LRRC4C: variants seen among roughly 807,000 people sequenced by gnomAD.
LRRC4C encodes the protein leucine rich repeat containing 4C.
In LRRC4C, 5 loss-of-function variants were observed where a neutral mutation model predicts 33.6. That is an observed-to-expected ratio of 0.15 (90% CI 0.08 to 0.31). The LOEUF (loss-of-function observed/expected upper bound fraction) is 0.31, where lower values mean the gene tolerates loss of function less well. Ranked by LOEUF, LRRC4C falls within the 10% of genes least tolerant of loss-of-function variation. LRRC4C has a pLI of 1.00. For missense variants in LRRC4C, 560 were observed against 796.7 expected (o/e 0.70, Z 3.58); for synonymous variants, 329 against 302.0 (o/e 1.09, Z -0.93).
At chr11:40,144,037 C>A (rs1222373280) in intron 5 of LRRC4C, among the ~76,000 whole-genome samples, 2 of 152,084 alleles carry the variant, frequency 1.3e-5, no homozygotes, top group Non-Finnish European at 2.9e-5. Context: ...CAGTTAAGTT[C>A]ATAAATTCTA....
chr11:41,141,049 G>A (rs1287947229), intron 1 of LRRC4C, among the ~76,000 whole-genome samples: 3 of 152,132 alleles, frequency 2.0e-5, no homozygotes, highest in Non-Finnish European at 4.4e-5. Flanking sequence ...CTTTCTAAAA[G>A]TAGATCTAGT....
chr11:40,307,004 A>ATC (rs1555013481), intron 4 of LRRC4C, among the ~76,000 whole-genome samples: 4 of 149,648 alleles, frequency 2.7e-5, no homozygotes, highest in South Asian at 2.1e-4. Flanking sequence ...GTATCTATGT[A>ATC]TCTATCTATC....
chr11:41,444,857 G>A (rs1955769599), intron 1 of LRRC4C, among the ~76,000 whole-genome samples: 2 of 150,592 alleles, frequency 1.3e-5, no homozygotes, highest in Non-Finnish European at 2.9e-5. Context: ...AGGCTGGAGT[G>A]CAATAGCATG....
intron 1 of LRRC4C, among the ~76,000 whole-genome samples, chr11:41,060,599 A>T (rs1341407094): frequency 6.6e-6 from 1 of 152,170 alleles, no homozygotes; most frequent in East Asian, 1.9e-4. Context: ...GAATTGTATC[A>T]TAACTTCATC....
intron 3 of LRRC4C, among the ~76,000 whole-genome samples, chr11:40,342,051 T>G (rs1590373014): frequency 6.6e-6 from 1 of 151,992 alleles, no homozygotes; most frequent in Non-Finnish European, 1.5e-5. Context: ...AAAGCTTATC[T>G]GTAGCCAAGT....
chr11:40,674,285 C>G (rs1944280026), intron 2 of LRRC4C, among the ~76,000 whole-genome samples: 1 of 152,166 alleles, frequency 6.6e-6, no homozygotes, highest in African/African-American at 2.4e-5. Context: ...CTGGGGTTGG[C>G]ATTTGGCAGC....
At chr11:40,866,553 T>C (rs931632278) in intron 2 of LRRC4C, among the ~76,000 whole-genome samples, 5 of 152,060 alleles carry the variant, frequency 3.3e-5, no homozygotes, top group Admixed American at 6.6e-5. Flanking sequence ...TGACTCACTG[T>C]CTCTGTCAAC....
chr11:41,192,585 T>C (rs1353455163), intron 1 of LRRC4C, among the ~76,000 whole-genome samples: 1 of 152,086 alleles, frequency 6.6e-6, no homozygotes, highest in Admixed American at 6.6e-5. Flanking sequence ...TTGTGATGCA[T>C]CACTGTATCT....
At chr11:40,558,011 G>A (rs1486867471) in intron 3 of LRRC4C, among the ~76,000 whole-genome samples, 1 of 152,096 alleles carries the variant, frequency 6.6e-6, no homozygotes, top group Non-Finnish European at 1.5e-5. Context: ...ACACCACAAA[G>A]ATTAATCCTA....
At chr11:40,493,496 C>T (rs573342078) in intron 3 of LRRC4C, among the ~76,000 whole-genome samples, 5 of 151,964 alleles carry the variant, frequency 3.3e-5, no homozygotes, top group East Asian at 3.9e-4. Flanking sequence ...ATGATTACAG[C>T]GATCACAGAT....
chr11:40,977,830 ATCT>A (rs1852195174), intron 1 of LRRC4C, among the ~76,000 whole-genome samples: 1 of 152,194 alleles, frequency 6.6e-6, no homozygotes, highest in African/African-American at 2.4e-5. Flanking sequence ...CAATGCTAAC[ATCT>A]TCTACCTGCT....
chr11:40,843,894 G>T (rs1953028684), intron 2 of LRRC4C, among the ~76,000 whole-genome samples: 1 of 152,180 alleles, frequency 6.6e-6, no homozygotes, highest in Admixed American at 6.6e-5. Flanking sequence ...TGGTTAGAGA[G>T]TATGAGGAGT....
intron 2 of LRRC4C, among the ~76,000 whole-genome samples, chr11:40,906,907 G>C (rs190616851): frequency 2.8e-4 from 43 of 152,206 alleles, no homozygotes; most frequent in Admixed American, 6.5e-4. Context: ...TGTCAAACAT[G>C]TTAATAGCTT....
rs560440631 is a variant in LRRC4C at position 40,826,925 on chromosome 11, A to C, written c.-407+106710T>G. On this transcript the variant is annotated intron_variant, in intron 2 of 6. Transcript: ENST00000528697. The stretch of plus-strand genomic sequence containing the variant: ...AAAATAAATCAATCATATCAACAGC[A>C]GAAAGATAAAACTGAGAAATATTAC... Among the ~76,000 whole-genome samples the C allele has an allele frequency of 5.5e-4, 83 of 152,166 alleles. 1 individual carries two copies. In the East Asian group the frequency reaches 0.015, roughly 28 times the overall value.
chr11:40,168,800 A>C (rs1565082016), intron 5 of LRRC4C, among the ~76,000 whole-genome samples: 1 of 152,228 alleles, frequency 6.6e-6, no homozygotes. Flanking sequence ...ATCAAGGAGA[A>C]TCTTTCATTT....
At chr11:40,652,109 C>A (rs940194463) in intron 2 of LRRC4C, among the ~76,000 whole-genome samples, 1 of 152,098 alleles carries the variant, frequency 6.6e-6, no homozygotes, top group Non-Finnish European at 1.5e-5. Context: ...CACAAACATC[C>A]ACCGTGCACC....
chr11:41,142,803 A>T (rs1187597255), intron 1 of LRRC4C, among the ~76,000 whole-genome samples: 1 of 149,640 alleles, frequency 6.7e-6, no homozygotes, highest in Admixed American at 6.6e-5. Flanking sequence ...TTTGTGTTAA[A>T]ATCATGTGCT....
At chr11:40,647,354 C>CT (rs550059423) in intron 3 of LRRC4C, among the ~76,000 whole-genome samples, 65 of 151,732 alleles carry the variant, frequency 4.3e-4, no homozygotes, top group Non-Finnish European at 8.5e-4. Flanking sequence ...ATAATTTGAT[C>CT]TTTTTTTTTC....
intron 2 of LRRC4C, among the ~76,000 whole-genome samples, chr11:40,758,953 C>A (rs1366320767): frequency 1.3e-5 from 2 of 151,550 alleles, no homozygotes; most frequent in Non-Finnish European, 2.9e-5. Context: ...TAATCAATAT[C>A]TCTTTTTCTT....
Sources: allele counts gnomAD v4.1 joint callset (sites outside exome capture counted in the v4.1 genomes callset), GRCh38; gene constraint gnomAD v4.1.1; transcripts MANE v1.5; gene names NCBI Gene and HGNC (gene_info 2026-07-23, HGNC 2026-07-21).